The following SEMA6D variants were observed in gnomAD, a reference collection of about 807,000 sequenced individuals.
SEMA6D encodes semaphorin-6D.
In SEMA6D, 35 loss-of-function variants were observed where a neutral mutation model predicts 106.6. That is an observed-to-expected ratio of 0.33 (90% CI 0.25 to 0.44). The LOEUF (loss-of-function observed/expected upper bound fraction) is 0.44, where lower values mean the gene tolerates loss of function less well. Ranked by LOEUF, SEMA6D falls within the 20% of genes least tolerant of loss-of-function variation. The probability of loss-of-function intolerance (pLI) is 1.00; values close to 1 mark genes in which losing one functional copy is unlikely to be tolerated. For missense variants in SEMA6D, 1,185 were observed against 1,345.9 expected (o/e 0.88, Z 1.87); for synonymous variants, 499 against 487.7 (o/e 1.02, Z -0.31).
chr15:47,712,974 A>G (rs914011716), upstream of SEMA6D, among the ~76,000 whole-genome samples: 21 of 152,188 alleles, frequency 1.4e-4, no homozygotes, highest in African/African-American at 5.1e-4. Flanking sequence ...GTTTGTTCAA[A>G]TATCTTTGAT....
At chr15:47,241,602 A>G (rs1266598989) in intron 1 of SEMA6D, among the ~76,000 whole-genome samples, 1 of 151,994 alleles carries the variant, frequency 6.6e-6, no homozygotes, top group East Asian at 1.9e-4. Context: ...TAATGCATAC[A>G]TGACCCAGAG....
intron 4 of SEMA6D, among the ~76,000 whole-genome samples, chr15:47,636,776 C>T (rs2077396304): frequency 6.6e-6 from 1 of 152,158 alleles, no homozygotes; most frequent in Non-Finnish European, 1.5e-5. Context: ...TACTGTAGAA[C>T]CAGGGCCTGC....
At chr15:47,257,848 T>C (rs888568825) in intron 1 of SEMA6D, among the ~76,000 whole-genome samples, 2 of 152,152 alleles carry the variant, frequency 1.3e-5, no homozygotes, top group African/African-American at 4.8e-5. Context: ...TGAAGAAGAG[T>C]GTTAATGTTC....
At chr15:47,242,574 G>T (rs2032976548) in intron 1 of SEMA6D, among the ~76,000 whole-genome samples, 1 of 152,110 alleles carries the variant, frequency 6.6e-6, no homozygotes, top group Non-Finnish European at 1.5e-5. Flanking sequence ...AAAACTTGGG[G>T]GTCAGGCTTG....
At chr15:47,353,071 G>A (rs1025240651) in intron 1 of SEMA6D, among the ~76,000 whole-genome samples, 10 of 152,232 alleles carry the variant, frequency 6.6e-5, no homozygotes, top group Admixed American at 6.5e-4. Context: ...TATTTTGTGT[G>A]TGTGTGTGTG....
At chr15:47,319,618 C>G (rs1012827988) in intron 1 of SEMA6D, among the ~76,000 whole-genome samples, 7 of 152,194 alleles carry the variant, frequency 4.6e-5, no homozygotes, top group African/African-American at 1.7e-4. Context: ...TCCCTCCCCC[C>G]ATTTCAGGTA....
At chr15:47,281,246 CTCT>C in intron 1 of SEMA6D, among the ~76,000 whole-genome samples, 1 of 135,610 alleles carries the variant, frequency 7.4e-6, no homozygotes, top group South Asian at 2.7e-4. Context: ...GGATAGTTAT[CTCT>C]TCTTGTTGAA....
intron 3 of SEMA6D, among the ~76,000 whole-genome samples, chr15:47,516,881 T>C (rs1017005758): frequency 6.6e-6 from 1 of 152,200 alleles, no homozygotes; most frequent in African/African-American, 2.4e-5. Flanking sequence ...TTTTGAATAA[T>C]TCATTTTTTT....
chr15:47,757,420 A>G (rs2081815820), intron 1 of SEMA6D, among the ~76,000 whole-genome samples: 1 of 152,182 alleles, frequency 6.6e-6, no homozygotes. Context: ...TTATACTTTT[A>G]TACTACTTCA....
At chr15:47,755,212 AGTATTACAGG>A (rs2081649240) in intron 1 of SEMA6D, among the ~76,000 whole-genome samples, 1 of 152,040 alleles carries the variant, frequency 6.6e-6, no homozygotes, top group Non-Finnish European at 1.5e-5. Context: ...GGCCTCCCAA[AGTATTACAGG>A]CGTGAGCCAC....
intron 1 of SEMA6D, among the ~76,000 whole-genome samples, chr15:47,367,687 C>CGT (rs1468088961): frequency 9.5e-4 from 40 of 42,144 alleles, no homozygotes; most frequent in South Asian, 1.1e-3. Flanking sequence ...CACGCGCGCG[C>CGT]GCGCGCACAC....
chr15:47,633,589 A>G (rs1296129101), intron 4 of SEMA6D, among the ~76,000 whole-genome samples: 5 of 152,138 alleles, frequency 3.3e-5, no homozygotes, highest in Admixed American at 6.5e-5. Flanking sequence ...GTTGAATTGT[A>G]ATGTATCTTG....
intron 1 of SEMA6D, among the ~76,000 whole-genome samples, chr15:47,361,040 G>A (rs2038785353): frequency 6.6e-6 from 1 of 152,220 alleles, no homozygotes; most frequent in African/African-American, 2.4e-5. Context: ...TATGTGCATA[G>A]CAGCACATAG....
chr15:47,188,709 T>C (rs1829034658), intron 1 of SEMA6D, among the ~76,000 whole-genome samples: 1 of 152,208 alleles, frequency 6.6e-6, no homozygotes, highest in African/African-American at 2.4e-5. Context: ...ATTTTGTTTT[T>C]CTTTTTCAAT....
chr15:47,469,927 A>G (rs1413273699), intron 2 of SEMA6D, among the ~76,000 whole-genome samples: 1 of 152,198 alleles, frequency 6.6e-6, no homozygotes, highest in Non-Finnish European at 1.5e-5. Flanking sequence ...ACATGATTAT[A>G]AACTCCACGA....
intron 2 of SEMA6D, among the ~76,000 whole-genome samples, chr15:47,432,796 G>A (rs966671409): frequency 8.5e-5 from 13 of 152,190 alleles, no homozygotes; most frequent in African/African-American, 2.9e-4. Flanking sequence ...GAGAACCACT[G>A]TGTGGAAAAA....
At chr15:47,409,018 C>G (rs1301276966) in intron 1 of SEMA6D, among the ~76,000 whole-genome samples, 4 of 152,224 alleles carry the variant, frequency 2.6e-5, no homozygotes, top group Admixed American at 2.0e-4. Context: ...ATTAGTATCA[C>G]TGATGCACTT....
chr15:47,388,764 A>G (rs756499140), intron 1 of SEMA6D, among the ~76,000 whole-genome samples: 7 of 151,480 alleles, frequency 4.6e-5, no homozygotes, highest in Non-Finnish European at 5.9e-5. Context: ...AGAAAAGGAG[A>G]TAGGAGGAGG....
chr15:47,374,313 A>G (rs1001655517), intron 1 of SEMA6D, among the ~76,000 whole-genome samples: 3 of 152,092 alleles, frequency 2.0e-5, no homozygotes, highest in African/African-American at 7.2e-5. Context: ...AAGTCCTCAA[A>G]TCTCTGGTTA....
Sources: gnomAD v4.1 joint callset for allele counts (sites outside exome capture counted in the v4.1 genomes callset) on GRCh38, gnomAD v4.1.1 for gene constraint, MANE v1.5 for transcripts, NCBI Gene and HGNC (gene_info 2026-07-23, HGNC 2026-07-21) for gene names.